The following FAM168A variants were observed in gnomAD, a reference collection of about 807,000 sequenced individuals.
The protein encoded by FAM168A is family with sequence similarity 168 member A, also known as protein FAM168A.
FAM168A carries 3 observed loss-of-function variants against 28.5 expected under a neutral mutation model. The ratio of observed to expected loss-of-function variants is 0.11; its 90% confidence interval spans 0.05 to 0.27. FAM168A has a LOEUF of 0.27. Ranked by LOEUF, FAM168A falls within the 10% of genes least tolerant of loss-of-function variation. FAM168A has a pLI of 1.00. For missense variants in FAM168A, 222 were observed against 311.5 expected (o/e 0.71, Z 2.16); for synonymous variants, 122 against 124.2 (o/e 0.98, Z 0.12).
chr11:73,426,933 A>C (rs527871667), intron 3 of FAM168A, among the ~76,000 whole-genome samples: 60 of 152,252 alleles, frequency 3.9e-4, no homozygotes, highest in African/African-American at 1.3e-3. Context: ...ACTTTTAAAA[A>C]CAAAATTGGG....
chr11:73,460,025 C>T (rs573375705), intron 2 of FAM168A, among the ~76,000 whole-genome samples: 6 of 151,964 alleles, frequency 3.9e-5, no homozygotes, highest in South Asian at 2.1e-4. Context: ...GGAGTACAGG[C>T]GCCCACCACC....
intron 1 of FAM168A, among the ~76,000 whole-genome samples, chr11:73,488,335 T>C (rs1419656142): frequency 6.6e-6 from 1 of 152,068 alleles, no homozygotes; most frequent in Non-Finnish European, 1.5e-5. Flanking sequence ...TTCACCACAC[T>C]GGCCAGGCTG....
intron 1 of FAM168A, among the ~76,000 whole-genome samples, chr11:73,564,954 A>T (rs995400201): frequency 6.6e-6 from 1 of 152,130 alleles, no homozygotes; most frequent in African/African-American, 2.4e-5. Context: ...AAAAAGGGTC[A>T]GTTAGCAAAT....
chr11:73,401,804 T>C lies in FAM168A; in HGVS notation c.*4959A>G, dbSNP rs1354917504. On this transcript the variant is annotated 3_prime_UTR_variant, in exon 8 of 8. Transcript: ENST00000356467. The stretch of plus-strand genomic sequence containing the variant: ...ACTCAACAGCATGCACCACAGAAGA[T>C]ATCCACTGGAGAGACTGAGGGACTG... The C allele has an allele frequency of 6.6e-6, 1 of 152,176 alleles. No individual in the cohort carries two copies. The highest frequency in any genetic ancestry group is 1.9e-4 in the East Asian group (1 of 5,190). 9.4% of individuals were successfully genotyped at this position (152,176 alleles called of 1,614,324 possible).
At chr11:73,488,257 A>G (rs1267224308) in intron 1 of FAM168A, among the ~76,000 whole-genome samples, 1 of 151,782 alleles carries the variant, frequency 6.6e-6, no homozygotes, top group Non-Finnish European at 1.5e-5. Flanking sequence ...CAGCCTCCCA[A>G]GTAGCTGGGA....
chr11:73,407,762 C>G, intron 6 of FAM168A, 119 bp from the exon 7 acceptor site: 3 of 789,918 alleles, frequency 3.8e-6, no homozygotes, highest in Non-Finnish European at 6.1e-6. Context: ...CCATCTCCCT[C>G]GCCTTCCTGA....
At chr11:73,570,255 C>G (rs1944070732) in intron 1 of FAM168A, among the ~76,000 whole-genome samples, 1 of 152,090 alleles carries the variant, frequency 6.6e-6, no homozygotes, top group Non-Finnish European at 1.5e-5. Flanking sequence ...CAGTTCTCTC[C>G]TCTATAAAAC....
chr11:73,524,910 A>G (rs1291532651), intron 1 of FAM168A, among the ~76,000 whole-genome samples: 1 of 151,930 alleles, frequency 6.6e-6, no homozygotes, highest in African/African-American at 2.4e-5. Context: ...TACTTTCAAT[A>G]CTGTATTTTT....
At chr11:73,477,682 G>A (rs1867907244) in intron 1 of FAM168A, among the ~76,000 whole-genome samples, 1 of 150,308 alleles carries the variant, frequency 6.7e-6, no homozygotes, top group Non-Finnish European at 1.5e-5. Context: ...TATTCAATGT[G>A]CTGAAAAAAC....
chr11:73,470,570 G>A (rs986386030), intron 1 of FAM168A, among the ~76,000 whole-genome samples: 1 of 152,086 alleles, frequency 6.6e-6, no homozygotes, highest in African/African-American at 2.4e-5. Context: ...TGGTGGGCGT[G>A]GGTTCCTCAC....
intron 1 of FAM168A, among the ~76,000 whole-genome samples, chr11:73,595,916 A>G (rs1383147914): frequency 6.6e-6 from 1 of 152,236 alleles, no homozygotes; most frequent in Non-Finnish European, 1.5e-5. Context: ...GAAAAACTCC[A>G]TCAGTACCAA....
intron 2 of FAM168A, 111 bp downstream of exon 2, chr11:73,468,292 TTC>T: frequency 1.1e-6 from 1 of 908,816 alleles, no homozygotes; most frequent in Non-Finnish European, 1.7e-6. Flanking sequence ...CTTCTGCATG[TTC>T]CCAAACTTTC....
At chr11:73,534,407 AT>A (rs58113039) in intron 1 of FAM168A, among the ~76,000 whole-genome samples, 125 of 144,512 alleles carry the variant, frequency 8.6e-4, no homozygotes, top group Middle Eastern at 3.5e-3. Flanking sequence ...TTATTTATTT[AT>A]TTTTTTTTTT....
At chr11:73,417,242 T>C (rs145333665) in intron 4 of FAM168A, among the ~76,000 whole-genome samples, 1 of 152,070 alleles carries the variant, frequency 6.6e-6, no homozygotes, top group Non-Finnish European at 1.5e-5. Context: ...AGATAAGGAG[T>C]CTAATTGCAA....
rs1003321867 is a variant in FAM168A at position 73,406,643 on chromosome 11, A to G, written c.*120T>C. The G allele has an allele frequency of 6.5e-6, 1 of 152,676 alleles. No individual in the cohort carries two copies. 9.5% of individuals were successfully genotyped at this position (152,676 alleles called of 1,614,324 possible). A position where few individuals can be genotyped will look rare whatever the true frequency, so the allele number is the denominator to read the frequency against. ...TAAAGATGCATAAAGTGACCCTTGC[A>G]CTTCCGTTGTCTCTTCTTGCAAATA... is the stretch of plus-strand genomic sequence containing the variant. On this transcript the variant is annotated 3_prime_UTR_variant, in exon 8 of 8. Coordinates refer to ENST00000356467, the MANE Select transcript of FAM168A (RefSeq NM_015159.3).
intron 1 of FAM168A, among the ~76,000 whole-genome samples, chr11:73,523,630 G>A (rs550919365): frequency 6.6e-6 from 1 of 152,134 alleles, no homozygotes; most frequent in African/African-American, 2.4e-5. Flanking sequence ...TGTTTTTGTA[G>A]GGACGGGGTT....
intron 2 of FAM168A, among the ~76,000 whole-genome samples, chr11:73,444,986 G>A (rs531269717): frequency 2.6e-5 from 4 of 152,258 alleles, no homozygotes; most frequent in Admixed American, 2.6e-4. Context: ...TTGGCTGGCC[G>A]CGGTGGCTCA....
chr11:73,480,473 G>C (rs912594332), intron 1 of FAM168A, among the ~76,000 whole-genome samples: 1 of 151,350 alleles, frequency 6.6e-6, no homozygotes, highest in Non-Finnish European at 1.5e-5. Flanking sequence ...ACAAGTACTC[G>C]GACCTTACTA....
chr11:73,434,673 G>C (rs1009247191), intron 2 of FAM168A, among the ~76,000 whole-genome samples: 17 of 152,250 alleles, frequency 1.1e-4, no homozygotes, highest in African/African-American at 3.6e-4. Flanking sequence ...ACAGGCCACT[G>C]TGAGGACTTA....
Sources: allele counts gnomAD v4.1 joint callset (sites outside exome capture counted in the v4.1 genomes callset), GRCh38; gene constraint gnomAD v4.1.1; transcripts MANE v1.5; gene names NCBI Gene and HGNC (gene_info 2026-07-23, HGNC 2026-07-21).